ATP1A1: variants seen among roughly 807,000 people sequenced by gnomAD.
The protein encoded by ATP1A1 is sodium/potassium-transporting ATPase subunit alpha-1.
ATP1A1 carries 14 observed loss-of-function variants against 114.8 expected under a neutral mutation model. The ratio of observed to expected loss-of-function variants is 0.12; its 90% confidence interval spans 0.08 to 0.19. The LOEUF is 0.19. Ranked by LOEUF, ATP1A1 falls within the 10% of genes least tolerant of loss-of-function variation. The pLI is 1.00. For missense variants in ATP1A1, 524 were observed against 1,290.7 expected (o/e 0.41, Z 9.10); for synonymous variants, 471 against 466.3 (o/e 1.01, Z -0.13).
At position 116,404,404 on chromosome 1, in the gene ATP1A1, T is replaced by C. The variant is rs1200629377; in HGVS notation, c.3044-12T>C. 1.9e-6 allele frequency: 3 copies of C among 1,613,878 alleles called. No individual in the cohort carries two copies. In the East Asian group the frequency reaches 6.7e-5, roughly 36 times the overall value. ...CTGTAGTGTGTCTTGTCTGTCTCTTTGCCACCCACAGGCTGGGTGGAGAAG... is the reference window on the plus strand; with the variant it reads ...CTGTAGTGTGTCTTGTCTGTCTCTTCGCCACCCACAGGCTGGGTGGAGAAG... On this transcript the variant is annotated splice_polypyrimidine_tract_variant and intron_variant, in intron 22 of 22. Transcript: ENST00000295598. This position sits in a 1 kb window ranked among gnomAD's most constrained non-coding sequence, Gnocchi z 4.8.
chr1:116,393,158 A>G lies in ATP1A1; in HGVS notation c.1467+170A>G. On this transcript the variant is annotated intron_variant, in intron 11 of 22. Transcript: ENST00000295598. The surrounding 1 kb of genome is among the most constrained non-coding windows in gnomAD (Gnocchi z 5.0). ...CATAATTTAGTTGAATATCAGCAGG[A>G]TAAATGAAGCCTCTTGCAAAACACT... is the stretch of plus-strand genomic sequence containing the variant. The G allele has an allele frequency of 9.8e-7, 1 of 1,019,904 alleles. No homozygotes were observed. Among genetic ancestry groups the G allele is most frequent in the East Asian group, 2.6e-5 (1 of 37,770 alleles). 63.2% of individuals were successfully genotyped at this position (1,019,904 alleles called of 1,614,324 possible). A position where few individuals can be genotyped will look rare whatever the true frequency, so the allele number is the denominator to read the frequency against.
At chr1:116,383,942 C>T in intron 1 of ATP1A1, 72 bp from the exon 2 acceptor site, 12 of 1,299,918 alleles carry the variant, frequency 9.2e-6, no homozygotes, top group East Asian at 6.9e-5. Flanking sequence ...ACCAAAATCC[C>T]CTGCTCCAGA....
At position 116,393,561 on chromosome 1, in the gene ATP1A1, G is replaced by A. The variant is rs779802423; in HGVS notation, c.1498G>A (p.Glu500Lys). 24 of 1,613,744 alleles carry A rather than the reference G, an allele frequency of 1.5e-5. No homozygotes were observed. In the Admixed American group the frequency reaches 3.8e-4, roughly 26 times the overall value. ...TATTCATAAGAACCCCAACACATCG[G>A]AGCCCCAACACCTGTTGGTGATGAA... ...LSIHKNPNTSEPQHLLVMKGA... is the reference protein window; with the variant it reads ...LSIHKNPNTSKPQHLLVMKGA... The change falls in exon 12 of 23, where the codon GAG becomes AAG. Residue 500 changes from glutamate to lysine, a missense_variant. Physicochemically the swap from Glu to Lys is moderately conservative, Grantham distance 56. Coordinates refer to ENST00000295598, the MANE Select transcript of ATP1A1 (RefSeq NM_000701.8). The surrounding 1 kb of genome is among the most constrained non-coding windows in gnomAD (Gnocchi z 5.0).
rs1651721660 is a variant in ATP1A1, at chr1:116,381,219, A to G, written c.13-2795A>G. On this transcript the variant is annotated intron_variant, in intron 1 of 22. Coordinates refer to ENST00000295598, the MANE Select transcript of ATP1A1 (RefSeq NM_000701.8). This position sits in a 1 kb window ranked among gnomAD's most constrained non-coding sequence, Gnocchi z 5.1. ...GCCGTATTTATCATTCACCCTTCCC[A>G]TGACCTTTGTTTTTCCCTAATGCCT... 6.6e-6 allele frequency among the ~76,000 whole-genome samples: 1 copy of G among 152,198 alleles called. No individual in the cohort carries two copies. Among genetic ancestry groups the G allele is most frequent in the Non-Finnish European group, 1.5e-5 (1 of 68,036 alleles).
Position 116,399,010 on chromosome 1 carries a change from A to G in ATP1A1, c.2374A>G (p.Ile792Val). 3 of 1,614,142 alleles carry G rather than the reference A, an allele frequency of 1.9e-6. No individual in the cohort carries two copies. The highest frequency in any genetic ancestry group is 2.2e-5 in the South Asian group (2 of 91,070). ...SNIPEITPFL[I>V]FIIANIPLPL... ...CATTCCCGAGATCACCCCGTTCCTGATATTTATTATTGCAAACATTCCACT... is the reference window on the plus strand; with the variant it reads ...CATTCCCGAGATCACCCCGTTCCTGGTATTTATTATTGCAAACATTCCACT... Residue 792 changes from isoleucine (I) to valine (V), a missense_variant, in exon 17 of 23, where the codon ATA becomes GTA. This residue lies in a region of ATP1A1 where 36 missense variants were observed against 199.6 expected (regional missense o/e 0.18). Transcript: ENST00000295598. The surrounding 1 kb of genome is among the most constrained non-coding windows in gnomAD (Gnocchi z 5.0).
intron 1 of ATP1A1, 29 bp downstream of exon 1, chr1:116,373,552 G>T: frequency 1.4e-6 from 2 of 1,437,086 alleles, no homozygotes; most frequent in Non-Finnish European, 1.8e-6. Flanking sequence ...CGGGGAGGGG[G>T]CTCGGGGAGC....
Position 116,388,836 on chromosome 1 carries a change from G to A in ATP1A1, c.636+64G>A, listed in dbSNP as rs1384258844. The stretch of plus-strand genomic sequence containing the variant: ...GCTGTTCGGGCAGCTTGATTTGAGG[G>A]GTACAGTAGCCCATGATAAGGCTGG... On this transcript the variant is annotated intron_variant, in intron 6 of 22. Coordinates refer to ENST00000295598, the MANE Select transcript of ATP1A1 (RefSeq NM_000701.8). The surrounding 1 kb of genome is among the most constrained non-coding windows in gnomAD (Gnocchi z 5.6). 1.2e-6 allele frequency: 2 copies of A among 1,612,146 alleles called. No homozygotes were observed. The highest frequency in any genetic ancestry group is 1.3e-5 in the African/African-American group (1 of 74,738).
In ATP1A1 at chr1:116,387,229, G is replaced by T; in HGVS notation, c.184-59G>T. The T allele has an allele frequency of 6.3e-7, 1 of 1,582,652 alleles. No individual in the cohort carries two copies. Among genetic ancestry groups the T allele is most frequent in the East Asian group, 2.2e-5 (1 of 44,538 alleles). On this transcript the variant is annotated intron_variant, in intron 3 of 22. Transcript: ENST00000295598. The surrounding 1 kb of genome is among the most constrained non-coding windows in gnomAD (Gnocchi z 6.7). ...TTGCAACCGTCCAGCTACCAGGTAG[G>T]TATATTGCCTTGTAAGTGCTGGTAC...
At chr1:116,400,407 A>G (rs1203111489) in intron 18 of ATP1A1, among the ~76,000 whole-genome samples, 2 of 152,086 alleles carry the variant, frequency 1.3e-5, no homozygotes, top group Non-Finnish European at 1.5e-5. Flanking sequence ...TGCCAGGGGG[A>G]GGAGGGTCCT....
At position 116,401,360 on chromosome 1, in the gene ATP1A1, G is replaced by C. The variant is rs976866189; in HGVS notation, c.2849+100G>C. The stretch of plus-strand genomic sequence containing the variant: ...CTAAACATATGACACATATAGCCAG[G>C]TTTCTGGAATCTCTAGTTTATAGAG... On this transcript the variant is annotated intron_variant, in intron 20 of 22. Coordinates refer to ENST00000295598, the MANE Select transcript of ATP1A1 (RefSeq NM_000701.8). The surrounding 1 kb of genome is among the most constrained non-coding windows in gnomAD (Gnocchi z 4.7). 48 of 1,572,534 alleles carry C rather than the reference G, an allele frequency of 3.1e-5. No individual in the cohort carries two copies. Among genetic ancestry groups the C allele is most frequent in the Middle Eastern group, 1.8e-4 (1 of 5,518 alleles).
At chr1:116,377,138 TAAAAA>T (rs1370705789) in intron 1 of ATP1A1, among the ~76,000 whole-genome samples, 1 of 152,232 alleles carries the variant, frequency 6.6e-6, no homozygotes, top group Non-Finnish European at 1.5e-5. Context: ...TTTCTTCACT[TAAAAA>T]CAAACAGGTT....
intron 1 of ATP1A1, among the ~76,000 whole-genome samples, chr1:116,374,406 A>G (rs573787335): frequency 6.6e-6 from 1 of 152,162 alleles, no homozygotes; most frequent in South Asian, 2.1e-4. Flanking sequence ...GGTACAAGAA[A>G]CCCGAAAAAG....
At chr1:116,378,916 T>A (rs1651550968) in intron 1 of ATP1A1, among the ~76,000 whole-genome samples, 1 of 152,216 alleles carries the variant, frequency 6.6e-6, no homozygotes, top group Non-Finnish European at 1.5e-5. Context: ...AGTAGAAAGT[T>A]TTAACCCTTC....
Position 116,400,981 on chromosome 1 carries a change from T to C in ATP1A1, c.2693T>C (p.Val898Ala), listed in dbSNP as rs1653425418. ...VDWDDRWIND[V>A]EDSYGQQWTY... ...TGGGATGACCGCTGGATCAACGATG[T>C]GGAAGACAGCTACGGGCAGCAGTGG... Residue 898 changes from valine (V) to alanine (A), a missense_variant, in exon 19 of 23, where the codon GTG (valine) becomes GCG (alanine). Transcript: ENST00000295598. 6.2e-7 allele frequency: 1 copy of C among 1,614,096 alleles called. No individual in the cohort carries two copies. Among genetic ancestry groups the C allele is most frequent in the Non-Finnish European group, 8.5e-7 (1 of 1,180,042 alleles).
Position 116,387,545 on chromosome 1 carries a change from C to A in ATP1A1, c.387+54C>A, listed in dbSNP as rs529681190. 72 of 1,574,794 alleles carry A rather than the reference C, an allele frequency of 4.6e-5. No homozygotes were observed. In the South Asian group the frequency reaches 7.9e-4, roughly 17 times the overall value. ...TGTAGTACACATCAGATATCTTCTCCGTCTTTGTCTCCCACTTCTTCTCAA... is the reference window on the plus strand; with the variant it reads ...TGTAGTACACATCAGATATCTTCTCAGTCTTTGTCTCCCACTTCTTCTCAA... On this transcript the variant is annotated intron_variant, in intron 4 of 22. Transcript: ENST00000295598. This position sits in a 1 kb window ranked among gnomAD's most constrained non-coding sequence, Gnocchi z 6.7.
chr1:116,378,136 A>ATT (rs1025926252), intron 1 of ATP1A1, among the ~76,000 whole-genome samples: 1 of 152,098 alleles, frequency 6.6e-6, no homozygotes, highest in Non-Finnish European at 1.5e-5. Flanking sequence ...CTTCATATTT[A>ATT]TTTTGTGTTT....
Position 116,404,366 on chromosome 1 carries a change from C to G in ATP1A1, c.3044-50C>G. The G allele has an allele frequency of 6.2e-7, 1 of 1,610,694 alleles. No homozygotes were observed. The highest frequency in any genetic ancestry group is 8.5e-7 in the Non-Finnish European group (1 of 1,177,378). ...CCTGTTTCCCTCTGTAATGCTGGAG[C>G]GAGGAAGACTCACTGTAGTGTGTCT... On this transcript the variant is annotated intron_variant, in intron 22 of 22. Transcript: ENST00000295598. This position sits in a 1 kb window ranked among gnomAD's most constrained non-coding sequence, Gnocchi z 4.8.
At chr1:116,379,808 A>G (rs1651624476) in intron 1 of ATP1A1, among the ~76,000 whole-genome samples, 1 of 152,202 alleles carries the variant, frequency 6.6e-6, no homozygotes, top group Non-Finnish European at 1.5e-5. Flanking sequence ...GAAAATGAGA[A>G]AGCACCCCTC....
In ATP1A1 at chr1:116,382,035, C is replaced by T. The variant is rs569481453; in HGVS notation, c.13-1979C>T. 9.2e-5 allele frequency among the ~76,000 whole-genome samples: 14 copies of T among 152,126 alleles called. No homozygotes were observed. The East Asian group carries it at 2.3e-3, about 25-fold the overall frequency. On this transcript the variant is annotated intron_variant, in intron 1 of 22. Coordinates refer to ENST00000295598, the MANE Select transcript of ATP1A1 (RefSeq NM_000701.8). ...ACTAAAAATACAAAAATTAGCCAGGCGTGGTGGCGAGCGCCTATAATCCCA... is the reference window on the plus strand; with the variant it reads ...ACTAAAAATACAAAAATTAGCCAGGTGTGGTGGCGAGCGCCTATAATCCCA...
Sources: gnomAD v4.1 joint callset for allele counts (sites outside exome capture counted in the v4.1 genomes callset) on GRCh38, gnomAD v4.1.1 for gene constraint, gnomAD v4.1.1 regional missense constraint, Gnocchi (gnomAD v3.1) non-coding constraint, MANE v1.5 for transcripts, NCBI Gene and HGNC (gene_info 2026-07-23, HGNC 2026-07-21) for gene names.